Variants in RETREG2 observed in about 807,000 individuals in gnomAD.
RETREG2 encodes reticulophagy regulator 2.
Under a neutral mutation model 51.6 loss-of-function variants are expected in RETREG2, and 21 were observed. The ratio of observed to expected loss-of-function variants is 0.41; its 90% CI spans 0.29 to 0.59. RETREG2 has a LOEUF of 0.59. Ranked by LOEUF, RETREG2 falls within the 20% of genes least tolerant of loss-of-function variation. RETREG2 has a pLI of 0.34. For missense variants in RETREG2, 674 were observed against 646.0 expected, an observed-to-expected ratio of 1.04 and a Z score of -0.47; for synonymous variants, 339 against 288.6, an observed-to-expected ratio of 1.17 and a Z score of -1.77.
rs1559220845 is a variant in RETREG2 at position 219,180,656 on chromosome 2, G to C, written c.556-14G>C. The C allele has an allele frequency of 2.5e-6, 4 of 1,614,104 alleles. No individual in the cohort carries two copies. The highest frequency in any genetic ancestry group is 3.4e-6 in the Non-Finnish European group (4 of 1,179,986). On this transcript the variant is annotated splice_polypyrimidine_tract_variant and intron_variant, in intron 4 of 8. Transcript: ENST00000430297. Reference sequence around the variant, plus strand: ...CTCAGCGTGATGTTCTTAGACTTTTGCTCTTCTCTGCAGTTCTGCGTTCGA... The same window carrying C: ...CTCAGCGTGATGTTCTTAGACTTTTCCTCTTCTCTGCAGTTCTGCGTTCGA...
chr2:219,178,575 G>A lies in RETREG2; in HGVS notation c.223G>A (p.Val75Met). The change falls in exon 1 of 9, where the codon GTG becomes ATG. Residue 75 changes from valine (V) to methionine (M), a missense_variant. By Grantham distance (21) the Val-to-Met change is conservative (BLOSUM62 1). Transcript: ENST00000430297. Reference protein sequence around the residue: ...AVLAAAQRLLVWEKPLHSLVT... With the variant: ...AVLAAAQRLLMWEKPLHSLVT... ...GCTGGCGGCGGCGCAGCGGTTGCTGGTGTGGGAGAAGCCGCTGCACAGCCT... is the reference window on the plus strand; with the variant it reads ...GCTGGCGGCGGCGCAGCGGTTGCTGATGTGGGAGAAGCCGCTGCACAGCCT... 6.8e-7 allele frequency: 1 copy of A among 1,464,508 alleles called. No homozygotes were observed. The highest frequency in any genetic ancestry group is 9.0e-7 in the Non-Finnish European group (1 of 1,116,030). The allele number at this position is 1,464,508 out of a possible 1,614,324, so 90.7% of individuals were successfully genotyped here. A position where few individuals can be genotyped will look rare whatever the true frequency, so the allele number is the denominator to read the frequency against.
rs1950258054 is a variant in RETREG2 at position 219,180,175 on chromosome 2, C to T, written c.485C>T (p.Ala162Val). ...GTGCCCGAGTTGTGCAGATACCTGG[C>T]TGAGAGCTGGCTCACCTTCCAGATT... ...LSVPELCRYL[A>V]ESWLTFQIHL... is the part of the protein sequence containing the mutation. The change falls in exon 4 of 9, where the codon GCT becomes GTT. Residue 162 changes from alanine to valine, a missense_variant. Transcript: ENST00000430297. 1 of 1,614,168 alleles carries T rather than the reference C, an allele frequency of 6.2e-7. No homozygotes were observed. Among genetic ancestry groups the T allele is most frequent in the Non-Finnish European group, 8.5e-7 (1 of 1,180,024 alleles).
At position 219,178,639 on chromosome 2, in the gene RETREG2, G is replaced by C. The variant is rs1950224382; in HGVS notation, c.281+6G>C. ...GCGCTCAACGGCCTCTTCTGGTAAC[G>C]GCCGCGGAGGAGGGGGCGGGGCCGG... On this transcript the variant is annotated splice_donor_region_variant and intron_variant, in intron 1 of 8. Transcript: ENST00000430297. The C allele has an allele frequency of 2.1e-6, 3 of 1,443,258 alleles. No individual in the cohort carries two copies. The highest frequency in any genetic ancestry group is 2.9e-5 in the Admixed American group (1 of 34,318). 89.4% of individuals were successfully genotyped at this position (1,443,258 alleles called of 1,614,324 possible).
rs764283362 is a variant in RETREG2, at chr2:219,182,353, A to G, written c.1356A>G (p.Pro452=). ...CTCTGCCCGGCACCCTGTCACCTCC[A>G]CTTTGCCTTGTTGGAAGTGACCCAG... The part of the protein sequence containing the change: ...LTALPGTLSP[P]LCLVGSDPAP... The change falls in exon 9 of 9, where the codon CCA becomes CCG. Residue 452 remains proline (P), a synonymous_variant. Transcript: ENST00000430297. 2.5e-6 allele frequency: 4 copies of G among 1,613,388 alleles called. No individual in the cohort carries two copies. Among genetic ancestry groups the G allele is most frequent in the Admixed American group, 3.3e-5 (2 of 59,936 alleles).
At position 219,183,528 on chromosome 2, in the gene RETREG2, C is replaced by CCTGCA; in HGVS notation, c.*908_*912dup. On this transcript the variant is annotated 3_prime_UTR_variant, in exon 9 of 9. Transcript: ENST00000430297. ...CCTGACTGTGAGCTGCCTTCCACAC[C>CCTGCA]CTGCACTGCACTGTGTTCTCTCCTC... is the stretch of plus-strand genomic sequence containing the variant. 1 of 152,526 alleles carries CCTGCA rather than the reference C, an allele frequency of 6.6e-6. No individual in the cohort carries two copies. Among genetic ancestry groups the CCTGCA allele is most frequent in the East Asian group, 1.9e-4 (1 of 5,194 alleles). The allele number at this position is 152,526 out of a possible 1,614,324, so 9.4% of individuals were successfully genotyped here.
chr2:219,181,786 C>T lies in RETREG2; in HGVS notation c.1015+11C>T, dbSNP rs201850628. Reference sequence around the variant, plus strand: ...CTGATGTCTCCGAGGGTATGGGGAGCCCTTTGCTGCCCTGCTCCCCGCCAC... The same window carrying T: ...CTGATGTCTCCGAGGGTATGGGGAGTCCTTTGCTGCCCTGCTCCCCGCCAC... On this transcript the variant is annotated intron_variant, in intron 8 of 8. Coordinates refer to ENST00000430297, the MANE Select transcript of RETREG2 (RefSeq NM_024293.6). 504 of 1,608,972 alleles carry T rather than the reference C, an allele frequency of 3.1e-4. No homozygotes were observed. The highest frequency in any genetic ancestry group is 1.8e-3 in the Middle Eastern group (11 of 6,018).
At chr2:219,179,406 A>C (rs1950243243) in intron 2 of RETREG2, among the ~76,000 whole-genome samples, 1 of 152,254 alleles carries the variant, frequency 6.6e-6, no homozygotes, top group Non-Finnish European at 1.5e-5. Flanking sequence ...GTTAATACAC[A>C]TGCTATACTT....
Position 219,181,289 on chromosome 2 carries a change from T to A in RETREG2, c.785-80T>A, listed in dbSNP as rs972785353. The A allele has an allele frequency of 2.5e-6, 4 of 1,605,566 alleles. No individual in the cohort carries two copies. The Admixed American group carries it at 6.7e-5, about 27-fold the overall frequency. On this transcript the variant is annotated intron_variant, in intron 6 of 8. Transcript: ENST00000430297. The stretch of plus-strand genomic sequence containing the variant: ...CATGAGATGCCCTGGAATTGAGATC[T>A]TCTCCAGTTCTTTAGCTGTGTTTGT...
rs947965982 is a variant in RETREG2 at position 219,178,312 on chromosome 2, C to G, written c.-41C>G. On this transcript the variant is annotated 5_prime_UTR_variant, in exon 1 of 9. Transcript: ENST00000430297. ...GCGCCCCCGGCGGCGGCCGCGCAGCCCTGGCTCCTCGCGGGCTCGGGCGGC... is the reference window on the plus strand; with the variant it reads ...GCGCCCCCGGCGGCGGCCGCGCAGCGCTGGCTCCTCGCGGGCTCGGGCGGC... 2.6e-6 allele frequency: 1 copy of G among 390,278 alleles called. No homozygotes were observed. Among genetic ancestry groups the G allele is most frequent in the African/African-American group, 2.1e-5 (1 of 47,850 alleles). 24.2% of individuals were successfully genotyped at this position (390,278 alleles called of 1,614,324 possible).
intron 1 of RETREG2, 124 bp from the exon 2 acceptor site, chr2:219,178,798 T>A: frequency 8.8e-7 from 1 of 1,131,986 alleles, no homozygotes; most frequent in Non-Finnish European, 1.3e-6. Flanking sequence ...TATCTCTGAG[T>A]CGTGAGTCGC....
chr2:219,179,730 T>C lies in RETREG2; in HGVS notation c.389-3T>C. 1 of 1,614,016 alleles carries C rather than the reference T, an allele frequency of 6.2e-7. No homozygotes were observed. Among genetic ancestry groups the C allele is most frequent in the Non-Finnish European group, 8.5e-7 (1 of 1,179,904 alleles). ...ATAATTTGCCCCCCTCCTCTCTCTCTAGCATCATCCCCAGAGGAGCCACAC... is the reference window on the plus strand; with the variant it reads ...ATAATTTGCCCCCCTCCTCTCTCTCCAGCATCATCCCCAGAGGAGCCACAC... On this transcript the variant is annotated splice_region_variant and splice_polypyrimidine_tract_variant and intron_variant, in intron 2 of 8. Transcript: ENST00000430297.
chr2:219,181,365 C>T lies in RETREG2; in HGVS notation c.785-4C>T, dbSNP rs1232235806. ...TCATTGCTCTACTACTCTTGCTTTT[C>T]TAGAGCGTCAGGGGAAGAATGCACC... On this transcript the variant is annotated splice_region_variant and splice_polypyrimidine_tract_variant and intron_variant, in intron 6 of 8. Transcript: ENST00000430297. 9.3e-6 allele frequency: 15 copies of T among 1,613,844 alleles called. No homozygotes were observed. Among genetic ancestry groups the T allele is most frequent in the Non-Finnish European group, 1.1e-5 (13 of 1,179,838 alleles).
At position 219,178,391 on chromosome 2, in the gene RETREG2, TG is replaced by T. The variant is rs1198371918; in HGVS notation, c.45del (p.Pro16ArgfsTer5). On this transcript the variant is annotated frameshift_variant, in exon 1 of 9. Transcript: ENST00000430297. LOFTEE classifies it high-confidence loss of function. ...GGGGGNTGAG[G>X]GPGMGLSLGL... The stretch of plus-strand genomic sequence containing the variant: ...GTGGCGGGGGTAACACTGGCGCGGG[TG>T]GGGGGCCGGGGATGGGCCTGAGCCT... The T allele has an allele frequency of 8.5e-6, 4 of 473,114 alleles. No individual in the cohort carries two copies. The highest frequency in any genetic ancestry group is 3.9e-5 in the South Asian group (1 of 25,752). The allele number at this position is 473,114 out of a possible 1,614,324, so 29.3% of individuals were successfully genotyped here.
intron 2 of RETREG2, among the ~76,000 whole-genome samples, 181 bp downstream of exon 2, chr2:219,179,209 C>T (rs1036983286): frequency 9.2e-5 from 14 of 152,316 alleles, no homozygotes; most frequent in African/African-American, 2.9e-4. Context: ...ACTAATACTA[C>T]TGTAGGTGCA....
At chr2:219,178,704 T>C (rs899514155) in intron 1 of RETREG2, 71 bp downstream of exon 1, 8 of 1,392,338 alleles carry the variant, frequency 5.7e-6, no homozygotes, top group Non-Finnish European at 7.5e-6. Context: ...ACCATTCCCC[T>C]TTCTGGGTTA....
At position 219,179,801 on chromosome 2, in the gene RETREG2, TC is replaced by T. The variant is rs767376730; in HGVS notation, c.419+40del. 1.9e-6 allele frequency: 3 copies of T among 1,602,542 alleles called. No homozygotes were observed. The South Asian group carries it at 3.3e-5, about 18-fold the overall frequency. ...CACCTCTTGAAGACAAATGCCCACA[TC>T]CTGTCCTGCTTGCTGGTGCCAGTGT... On this transcript the variant is annotated intron_variant, in intron 3 of 8. Coordinates refer to ENST00000430297, the MANE Select transcript of RETREG2 (RefSeq NM_024293.6).
chr2:219,180,128 C>T lies in RETREG2; in HGVS notation c.438C>T (p.Gly146=), dbSNP rs759709825. The part of the protein sequence containing the change: ...PHSDSEGAGS[G]ARPHLLSVPE... ...TCCCCAGTGAGGGTGCGGGGTCAGG[C>T]GCCCGGCCGCACCTGCTGAGTGTGC... Residue 146 remains glycine, a synonymous_variant, in exon 4 of 9, where the codon GGC becomes GGT. Coordinates refer to ENST00000430297, the MANE Select transcript of RETREG2 (RefSeq NM_024293.6). The T allele has an allele frequency of 5.6e-6, 9 of 1,614,056 alleles. No homozygotes were observed. The highest frequency in any genetic ancestry group is 4.5e-5 in the East Asian group (2 of 44,882).
chr2:219,181,842 C>A (rs2106399116), intron 8 of RETREG2, 67 bp downstream of exon 8: 5 of 1,588,272 alleles, frequency 3.1e-6, no homozygotes, highest in East Asian at 2.2e-5. Context: ...TGGGTACTTA[C>A]TGTGCTCTCT....
In RETREG2 at chr2:219,178,446, A is replaced by T. The variant is rs1411755610; in HGVS notation, c.94A>T (p.Met32Leu). 2.6e-6 allele frequency: 2 copies of T among 769,610 alleles called. No homozygotes were observed. The highest frequency in any genetic ancestry group is 3.4e-5 in the Admixed American group (1 of 29,302). 47.7% of individuals were successfully genotyped at this position (769,610 alleles called of 1,614,324 possible). ...LGLGLGLSLG[M>L]SEATSEAEEE... Reference sequence around the variant, plus strand: ...CCTGGGTCTGGGTCTGAGCCTAGGCATGAGTGAGGCCACCAGTGAGGCAGA... The same window carrying T: ...CCTGGGTCTGGGTCTGAGCCTAGGCTTGAGTGAGGCCACCAGTGAGGCAGA... Residue 32 changes from methionine (M) to leucine (L), a missense_variant, in exon 1 of 9, where the codon ATG (methionine) becomes TTG (leucine). Physicochemically the swap from Met to Leu is conservative, Grantham distance 15 (BLOSUM62 2). Transcript: ENST00000430297.
Sources: allele counts gnomAD v4.1 joint callset (sites outside exome capture counted in the v4.1 genomes callset), GRCh38; gene constraint gnomAD v4.1.1; transcripts MANE v1.5; gene names NCBI Gene and HGNC (gene_info 2026-07-23, HGNC 2026-07-21).